PRKD1: variants seen among roughly 807,000 people sequenced by gnomAD.
PRKD1 encodes serine/threonine-protein kinase D1.
In PRKD1, 63 loss-of-function variants were observed where a neutral mutation model predicts 95.9. The observed-to-expected ratio is 0.66, with a 90% CI of 0.54 to 0.81. PRKD1 has a LOEUF of 0.81. PRKD1 is among the 30% of genes least tolerant of loss of function. PRKD1 has a pLI of 0.00. For synonymous variants in PRKD1, 425 were observed against 423.1 expected (o/e 1.00, Z -0.05); for missense variants, 1,048 against 1,165.3 (o/e 0.90, Z 1.47).
At chr14:29,596,266 A>G (rs139809785) in intron 16 of PRKD1, among the ~76,000 whole-genome samples, 1 of 152,330 alleles carries the variant, frequency 6.6e-6, no homozygotes, top group East Asian at 1.9e-4. Flanking sequence ...GGCATCACAT[A>G]AGAGATGTTT....
At chr14:29,617,462 T>A (rs1356916339) in intron 13 of PRKD1, among the ~76,000 whole-genome samples, 1 of 152,212 alleles carries the variant, frequency 6.6e-6, no homozygotes, top group Non-Finnish European at 1.5e-5. Context: ...TTATGACCCA[T>A]AAAATTCATT....
At chr14:29,676,599 C>T (rs1044131067) in intron 2 of PRKD1, among the ~76,000 whole-genome samples, 6 of 152,088 alleles carry the variant, frequency 3.9e-5, no homozygotes, top group South Asian at 2.1e-4. Flanking sequence ...GTGATCTGCC[C>T]GCCTCGGCCT....
At chr14:29,700,120 A>C (rs994533226) in intron 2 of PRKD1, among the ~76,000 whole-genome samples, 1 of 151,850 alleles carries the variant, frequency 6.6e-6, no homozygotes, top group African/African-American at 2.4e-5. Context: ...GAAGTATTTT[A>C]AAGCAAATTC....
chr14:29,632,787 G>T, intron 9 of PRKD1, 82 bp downstream of exon 9: 1 of 1,262,036 alleles, frequency 7.9e-7, no homozygotes, highest in Non-Finnish European at 1.1e-6. Context: ...TTTGTTGGAT[G>T]TATTTCCTAT....
intron 1 of PRKD1, among the ~76,000 whole-genome samples, chr14:29,734,523 T>G (rs190938293): frequency 4.5e-4 from 68 of 152,224 alleles, no homozygotes; most frequent in Non-Finnish European, 8.7e-4. Flanking sequence ...TCTATAGCAG[T>G]CTTTGTTCTG....
intron 15 of PRKD1, among the ~76,000 whole-genome samples, chr14:29,597,998 G>T (rs1473262905): frequency 6.6e-6 from 1 of 152,108 alleles, no homozygotes; most frequent in African/African-American, 2.4e-5. Flanking sequence ...TCCCTTGGCA[G>T]GGTGCAGTGG....
intron 1 of PRKD1, chr14:29,812,115 G>A (rs1250135008): frequency 5.3e-5 from 8 of 152,084 alleles, no homozygotes; most frequent in Admixed American, 5.2e-4. Flanking sequence ...TGCCCATATC[G>A]ATATCTTAGC....
At chr14:29,874,291 C>A (rs1163520138) in intron 1 of PRKD1, among the ~76,000 whole-genome samples, 1 of 152,052 alleles carries the variant, frequency 6.6e-6, no homozygotes, top group Non-Finnish European at 1.5e-5. Flanking sequence ...GCATCTTATC[C>A]CAGTTAGAAT....
chr14:29,881,640 T>C lies in PRKD1; in HGVS notation c.264+45609A>G, dbSNP rs142628788. Among the ~76,000 whole-genome samples, 587 of 152,266 alleles carry C rather than the reference T, an allele frequency of 3.9e-3. 1 individual carries two copies. Among genetic ancestry groups the C allele is most frequent in the Admixed American group, 7.4e-3 (113 of 15,286 alleles). On this transcript the variant is annotated intron_variant, in intron 1 of 17. Coordinates refer to ENST00000331968, the MANE Select transcript of PRKD1 (RefSeq NM_002742.3). ...AGTTTGGTTGTGGGCCATTCAGTAG[T>C]AATTCTTTAATTTTTTCATCAGGTT...
chr14:29,849,250 A>G (rs1210365586), intron 1 of PRKD1, among the ~76,000 whole-genome samples: 1 of 152,136 alleles, frequency 6.6e-6, no homozygotes, highest in Non-Finnish European at 1.5e-5. Flanking sequence ...TGCTCTGGCC[A>G]TGTGAAGACA....
At chr14:29,876,910 G>A (rs1423048886) in intron 1 of PRKD1, among the ~76,000 whole-genome samples, 1 of 152,118 alleles carries the variant, frequency 6.6e-6, no homozygotes, top group African/African-American at 2.4e-5. Context: ...CTAGCACGTT[G>A]GGAGGCCGAG....
At chr14:29,812,826 T>C (rs907459312) in intron 1 of PRKD1, among the ~76,000 whole-genome samples, 1 of 152,156 alleles carries the variant, frequency 6.6e-6, no homozygotes, top group Non-Finnish European at 1.5e-5. Context: ...ATATCTAATC[T>C]AGCCAGGCAT....
chr14:29,711,102 A>C (rs1885314474), intron 2 of PRKD1, among the ~76,000 whole-genome samples: 1 of 152,130 alleles, frequency 6.6e-6, no homozygotes, highest in Admixed American at 6.6e-5. Context: ...GTTGACCTTG[A>C]AGGACAAAAT....
At chr14:29,786,198 T>C (rs1026222419) in intron 1 of PRKD1, among the ~76,000 whole-genome samples, 1 of 152,218 alleles carries the variant, frequency 6.6e-6, no homozygotes, top group Non-Finnish European at 1.5e-5. Flanking sequence ...AATCCCACTT[T>C]GTCATGGAAG....
At chr14:29,726,390 T>C (rs1180721283) in intron 1 of PRKD1, among the ~76,000 whole-genome samples, 1 of 152,186 alleles carries the variant, frequency 6.6e-6, no homozygotes, top group African/African-American at 2.4e-5. Flanking sequence ...GGCCCTTTTC[T>C]TGTAATGACT....
chr14:29,723,989 A>T (rs1055857866), intron 2 of PRKD1, among the ~76,000 whole-genome samples: 1 of 152,118 alleles, frequency 6.6e-6, no homozygotes, highest in Admixed American at 6.5e-5. Context: ...CAATTTGCAA[A>T]GATGGGAGAG....
At chr14:29,710,110 TAA>T (rs1011806386) in intron 2 of PRKD1, among the ~76,000 whole-genome samples, 4 of 152,116 alleles carry the variant, frequency 2.6e-5, no homozygotes, top group Non-Finnish European at 5.9e-5. Context: ...TAAAAAATAA[TAA>T]AGACCTAAAA....
intron 1 of PRKD1, among the ~76,000 whole-genome samples, chr14:29,765,264 A>T (rs1888206544): frequency 6.6e-6 from 1 of 152,234 alleles, no homozygotes. Context: ...AAAAGAGGGA[A>T]TCCAAATGGC....
chr14:29,664,595 A>C (rs1342566609), intron 3 of PRKD1, among the ~76,000 whole-genome samples: 1 of 152,174 alleles, frequency 6.6e-6, no homozygotes, highest in East Asian at 1.9e-4. Flanking sequence ...ATTGTCTGCT[A>C]GCTTCCCTCT....
Sources: allele counts gnomAD v4.1 joint callset (sites outside exome capture counted in the v4.1 genomes callset), GRCh38; gene constraint gnomAD v4.1.1; transcripts MANE v1.5; gene names NCBI Gene and HGNC (gene_info 2026-07-23, HGNC 2026-07-21).